WDR72: variants seen among roughly 807,000 people sequenced by gnomAD.
The protein encoded by WDR72 is WD repeat-containing protein 72.
WDR72 carries 120 observed loss-of-function variants against 124.2 expected under a neutral mutation model. The ratio of observed to expected loss-of-function variants is 0.97; its 90% confidence interval spans 0.83 to 1.12. The LOEUF (loss-of-function observed/expected upper bound fraction) is 1.12, where lower values mean the gene tolerates loss of function less well. Ranked by LOEUF, WDR72 falls within the 50% of genes most tolerant of loss-of-function variation. The probability of loss-of-function intolerance (pLI) is 0.00; values close to 1 mark genes in which losing one functional copy is unlikely to be tolerated. For missense variants in WDR72, 1,387 were observed against 1,278.8 expected (o/e 1.08, Z -1.29); for synonymous variants, 452 against 441.7 (o/e 1.02, Z -0.29).
At chr15:53,609,439 T>C (rs2140358040) in intron 17 of WDR72, 74 bp downstream of exon 17, 4 of 1,289,744 alleles carry the variant, frequency 3.1e-6, no homozygotes, top group East Asian at 2.4e-5. Context: ...TATTTTCAGA[T>C]AGAGGGGGGT....
chr15:53,659,655 A>G (rs1314716688), intron 14 of WDR72, among the ~76,000 whole-genome samples: 2 of 152,068 alleles, frequency 1.3e-5, no homozygotes, highest in Non-Finnish European at 2.9e-5. Context: ...AAAAGTTTAA[A>G]CTCATGCCAC....
chr15:53,671,638 T>C (rs970984668), intron 13 of WDR72, among the ~76,000 whole-genome samples: 2 of 152,180 alleles, frequency 1.3e-5, no homozygotes, highest in Non-Finnish European at 1.5e-5. Context: ...AAATATGCAC[T>C]ATAAACTTAG....
At chr15:53,747,889 C>T (rs1410342563) in intron 1 of WDR72, among the ~76,000 whole-genome samples, 1 of 152,090 alleles carries the variant, frequency 6.6e-6, no homozygotes, top group Non-Finnish European at 1.5e-5. Flanking sequence ...GAAAAAACTA[C>T]AATCCCCTTG....
chr15:53,706,344 GTGTGTGTATATATATA>G (rs1321276456), intron 9 of WDR72, among the ~76,000 whole-genome samples: 35 of 46,072 alleles, frequency 7.6e-4, no homozygotes, highest in Non-Finnish European at 1.3e-3. Flanking sequence ...GTGTGTGTGT[GTGTGTGTATATATATA>G]TATATATATA....
In WDR72 at chr15:53,515,051, G is replaced by GTATGTATATATATACACACATATATA. The variant is rs1891373235; in HGVS notation, c.*2647_*2648insTATATATGTGTGTATATATATACATA. 7.5e-6 allele frequency: 1 copy of GTATGTATATATATACACACATATATA among 133,606 alleles called. No individual in the cohort carries two copies. The highest frequency in any genetic ancestry group is 2.6e-5 in the African/African-American group (1 of 38,176). The allele number at this position is 133,606 out of a possible 1,614,324, so 8.3% of individuals were successfully genotyped here. A position where few individuals can be genotyped will look rare whatever the true frequency, so the allele number is the denominator to read the frequency against. On this transcript the variant is annotated 3_prime_UTR_variant, in exon 20 of 20. Transcript: ENST00000360509. ...CACACATATATATGTGTATATATATGTGTGTATATATATACACACATATAT... is the reference window on the plus strand; with the variant it reads ...CACACATATATATGTGTATATATATGTATGTATATATATACACACATATATATGTGTATATATATACACACATATAT...
chr15:53,716,098 C>T (rs1459544504), intron 4 of WDR72, among the ~76,000 whole-genome samples: 1 of 152,094 alleles, frequency 6.6e-6, no homozygotes, highest in Non-Finnish European at 1.5e-5. Context: ...CGGTCAGCAC[C>T]ATTGGAATCA....
intron 18 of WDR72, among the ~76,000 whole-genome samples, chr15:53,538,977 G>T (rs1201902164): frequency 2.0e-5 from 3 of 151,984 alleles, no homozygotes; most frequent in Admixed American, 2.0e-4. Flanking sequence ...CTATATTTGA[G>T]CAAATTTCAA....
chr15:53,741,642 C>A (rs1268030150), intron 1 of WDR72, among the ~76,000 whole-genome samples: 3 of 152,108 alleles, frequency 2.0e-5, no homozygotes, highest in Non-Finnish European at 2.9e-5. Context: ...CTCATAAACT[C>A]CCATAGGATT....
chr15:53,736,960 G>A (rs1206283818), intron 1 of WDR72, among the ~76,000 whole-genome samples: 5 of 150,630 alleles, frequency 3.3e-5, no homozygotes, highest in East Asian at 2.0e-4. Flanking sequence ...TACTGGAGTC[G>A]AATTAGAGGA....
intron 14 of WDR72, among the ~76,000 whole-genome samples, chr15:53,648,511 G>A (rs931119698): frequency 1.2e-4 from 18 of 152,074 alleles, no homozygotes; most frequent in Admixed American, 4.6e-4. Flanking sequence ...GTCAGGAAAG[G>A]TATAGGTCTG....
intron 14 of WDR72, among the ~76,000 whole-genome samples, chr15:53,639,509 TATATAATTTTATTTATTTATAAAATTA>T (rs1375062602): frequency 1.6e-4 from 24 of 146,154 alleles, no homozygotes; most frequent in African/African-American, 2.0e-4. Context: ...TATAAAATTA[TATATAATTTTATTTATTTATAAAATTA>T]TATATAATTT....
rs192675430 is a variant in WDR72, at chr15:53,621,825, C to T, written c.1963-5582G>A. On this transcript the variant is annotated intron_variant, in intron 14 of 19. Coordinates refer to ENST00000360509, the MANE Select transcript of WDR72 (RefSeq NM_182758.4). Reference sequence around the variant, plus strand: ...TTTTAAAAAAAGAAACTATCATCAGCGTGAAGAGACAACCTATAGAATGGG... The same window carrying T: ...TTTTAAAAAAAGAAACTATCATCAGTGTGAAGAGACAACCTATAGAATGGG... Among the ~76,000 whole-genome samples, 304 of 151,910 alleles carry T rather than the reference C, an allele frequency of 2.0e-3. 1 individual carries two copies. The highest frequency in any genetic ancestry group is 1.5e-3 in the Non-Finnish European group (103 of 67,884).
intron 6 of WDR72, 47 bp downstream of exon 6, chr15:53,714,387 A>G: frequency 1.4e-6 from 2 of 1,430,118 alleles, no homozygotes; most frequent in East Asian, 2.3e-5. Context: ...ATTTTAATGA[A>G]TATGCTTGAA....
intron 18 of WDR72, among the ~76,000 whole-genome samples, chr15:53,549,308 G>T (rs1165400973): frequency 6.6e-6 from 1 of 152,212 alleles, no homozygotes; most frequent in Non-Finnish European, 1.5e-5. Flanking sequence ...TTTGGAACAA[G>T]CAGCTAGGGG....
At chr15:53,655,656 T>C (rs1362040834) in intron 14 of WDR72, among the ~76,000 whole-genome samples, 1 of 151,736 alleles carries the variant, frequency 6.6e-6, no homozygotes, top group Non-Finnish European at 1.5e-5. Context: ...AGACCTCTAG[T>C]GGGAGCTCAG....
chr15:53,555,720 C>T (rs1893905878), intron 18 of WDR72, among the ~76,000 whole-genome samples: 1 of 152,002 alleles, frequency 6.6e-6, no homozygotes, highest in Non-Finnish European at 1.5e-5. Flanking sequence ...ATTCAGACCA[C>T]TTATTTGATT....
chr15:53,738,968 T>C (rs1375963254), intron 1 of WDR72, among the ~76,000 whole-genome samples: 1 of 152,174 alleles, frequency 6.6e-6, no homozygotes, highest in African/African-American at 2.4e-5. Context: ...CTTGTAACCA[T>C]TAAAATGGAA....
chr15:53,569,698 A>T (rs1352760527), intron 18 of WDR72, among the ~76,000 whole-genome samples: 1 of 152,052 alleles, frequency 6.6e-6, no homozygotes, highest in Middle Eastern at 3.2e-3. Flanking sequence ...CTGTACTTCT[A>T]ATTAAGTCTT....
intron 14 of WDR72, among the ~76,000 whole-genome samples, chr15:53,657,637 T>C (rs1047667266): frequency 2.0e-5 from 3 of 152,148 alleles, no homozygotes; most frequent in African/African-American, 2.4e-5. Context: ...AATGAAATAT[T>C]GTAGGGGGAG....
Sources: allele counts gnomAD v4.1 joint callset (sites outside exome capture counted in the v4.1 genomes callset), GRCh38; gene constraint gnomAD v4.1.1; transcripts MANE v1.5; gene names NCBI Gene and HGNC (gene_info 2026-07-23, HGNC 2026-07-21).